Variants in SFI1 observed in about 807,000 individuals in gnomAD.
SFI1 encodes the protein SFI1 centrin binding protein, also known as protein SFI1 homolog.
Under a neutral mutation model 207.5 loss-of-function variants are expected in SFI1, and 195 were observed. That is an observed-to-expected ratio of 0.94 (90% CI 0.84 to 1.06). The LOEUF (loss-of-function observed/expected upper bound fraction) is 1.06. SFI1 is among the 50% of genes least tolerant of loss of function. The pLI, the probability that SFI1 is intolerant of heterozygous loss-of-function variation, is 0.00. For synonymous variants in SFI1, 630 were observed against 598.9 expected (o/e 1.05, Z -0.76); for missense variants, 1,634 against 1,588.0 (o/e 1.03, Z -0.49).
At chr22:31,598,140 G>A (rs1175380350) in intron 15 of SFI1, among the ~76,000 whole-genome samples, 2 of 151,594 alleles carry the variant, frequency 1.3e-5, no homozygotes, top group African/African-American at 2.4e-5. Flanking sequence ...ACCACACCCG[G>A]CTAATTTTTT....
chr22:31,498,146 T>C (rs2053061222), intron 1 of SFI1, among the ~76,000 whole-genome samples: 1 of 152,050 alleles, frequency 6.6e-6, no homozygotes, highest in African/African-American at 2.4e-5. Flanking sequence ...ATACAAAATA[T>C]TAGCCGGATG....
chr22:31,546,586 C>T (rs902848306), intron 4 of SFI1, among the ~76,000 whole-genome samples: 11 of 151,138 alleles, frequency 7.3e-5, no homozygotes, highest in African/African-American at 2.7e-4. Context: ...TCCCAAAGTA[C>T]TGGGATTACA....
At chr22:31,521,780 T>C (rs962293374) in intron 2 of SFI1, among the ~76,000 whole-genome samples, 1 of 152,098 alleles carries the variant, frequency 6.6e-6, no homozygotes, top group Non-Finnish European at 1.5e-5. Context: ...TTTTCTTTTT[T>C]TTTGAGACAG....
At chr22:31,612,000 C>T in intron 24 of SFI1, 160 bp downstream of exon 24, 1 of 1,425,604 alleles carries the variant, frequency 7.0e-7, no homozygotes, top group Non-Finnish European at 9.2e-7. Context: ...CATTTCCAGG[C>T]ACATCAGCTT....
At chr22:31,556,297 A>G (rs1359828764) in intron 6 of SFI1, among the ~76,000 whole-genome samples, 2 of 149,012 alleles carry the variant, frequency 1.3e-5, no homozygotes, top group Non-Finnish European at 3.0e-5. Flanking sequence ...ATCTCAGCTC[A>G]CTGCAACCTC....
chr22:31,569,426 T>A (rs549760543), intron 8 of SFI1, among the ~76,000 whole-genome samples: 73 of 152,102 alleles, frequency 4.8e-4, no homozygotes, highest in Non-Finnish European at 9.7e-4. Context: ...AATCTCTCAG[T>A]TTATAGGAAA....
At chr22:31,585,675 A>G (rs1420954759) in intron 14 of SFI1, among the ~76,000 whole-genome samples, 1 of 152,218 alleles carries the variant, frequency 6.6e-6, no homozygotes, top group Non-Finnish European at 1.5e-5. Context: ...TAAAGTCAAT[A>G]AAATTCCTGC....
At chr22:31,585,389 C>T (rs1160784991) in intron 14 of SFI1, among the ~76,000 whole-genome samples, 1 of 152,212 alleles carries the variant, frequency 6.6e-6, no homozygotes, top group African/African-American at 2.4e-5. Flanking sequence ...CAGCCATTCA[C>T]ATCTTTACTC....
At position 31,604,769 on chromosome 22, in the gene SFI1, C is replaced by T; in HGVS notation, c.1978-100C>T. 2.7e-6 allele frequency: 3 copies of T among 1,101,902 alleles called. No individual in the cohort carries two copies. The Admixed American group carries it at 7.6e-5, about 28-fold the overall frequency. The allele number at this position is 1,101,902 out of a possible 1,614,324, so 68.3% of individuals were successfully genotyped here. The stretch of plus-strand genomic sequence containing the variant: ...CCTCTTCCTACCCTTTTTGAGTTCT[C>T]TGGGCATGGCAGCCTTGTGGTAGAT... On this transcript the variant is annotated intron_variant, in intron 19 of 32. Transcript: ENST00000400288.
At chr22:31,606,292 G>A in intron 20 of SFI1, 36 bp from the exon 21 acceptor site, 2 of 1,580,796 alleles carry the variant, frequency 1.3e-6, no homozygotes, top group Non-Finnish European at 1.7e-6. Flanking sequence ...CTCTATCCTG[G>A]TGTCATCTGC....
Position 31,611,866 on chromosome 22 carries a change from T to C in SFI1, c.2490+26T>C, listed in dbSNP as rs1409920441. ...GTGGGAACCCAGGAGATGTCCCCTC[T>C]GCACTTCCTTCTCCATCCTCTGGCC... On this transcript the variant is annotated intron_variant, in intron 24 of 32. Transcript: ENST00000400288. The C allele has an allele frequency of 2.5e-6, 4 of 1,612,750 alleles. No homozygotes were observed. In the African/African-American group the frequency reaches 4.0e-5, roughly 16 times the overall value.
chr22:31,521,101 G>A (rs141071428), intron 2 of SFI1: 1 of 153,052 alleles, frequency 6.5e-6, no homozygotes, highest in African/African-American at 2.4e-5. Flanking sequence ...AATTAGCCAG[G>A]TGTCATGGGG....
intron 7 of SFI1, among the ~76,000 whole-genome samples, chr22:31,557,760 C>T (rs1215685074): frequency 6.6e-6 from 1 of 152,166 alleles, no homozygotes; most frequent in Non-Finnish European, 1.5e-5. Context: ...CTAGCACATA[C>T]AGGTTGTAAT....
intron 19 of SFI1, 96 bp downstream of exon 19, chr22:31,604,500 A>G (rs2068642460): frequency 1.1e-5 from 12 of 1,133,456 alleles, no homozygotes; most frequent in Non-Finnish European, 1.5e-5. Context: ...TCCGTCCCAG[A>G]ACAGAGTCAC....
intron 8 of SFI1, among the ~76,000 whole-genome samples, chr22:31,568,155 C>A (rs61017920): frequency 0.12 from 16,628 of 137,654 alleles, 1,058 homozygotes; most frequent in Middle Eastern, 0.19. Flanking sequence ...CTCTCTCTCT[C>A]TATATATATA....
chr22:31,496,735 T>A (rs958414205), intron 1 of SFI1, 98 bp downstream of exon 1: 1 of 152,078 alleles, frequency 6.6e-6, no homozygotes, highest in African/African-American at 2.4e-5. Context: ...CCGAGCCCGG[T>A]GAAATCTGTC....
At chr22:31,575,075 A>C (rs2063332217) in intron 9 of SFI1, among the ~76,000 whole-genome samples, 156 bp from the exon 10 acceptor site, 2 of 125,186 alleles carry the variant, frequency 1.6e-5, no homozygotes, top group African/African-American at 5.9e-5. Context: ...AAAAAAAAAA[A>C]AACTTAGTGC....
chr22:31,593,076 C>G (rs1485810190), intron 15 of SFI1, among the ~76,000 whole-genome samples: 1 of 131,006 alleles, frequency 7.6e-6, no homozygotes, highest in African/African-American at 2.9e-5. Flanking sequence ...GCTGGCCGGG[C>G]GGGGGGGCTG....
intron 8 of SFI1, among the ~76,000 whole-genome samples, chr22:31,564,341 A>T (rs2062033394): frequency 6.6e-6 from 1 of 151,728 alleles, no homozygotes; most frequent in South Asian, 2.1e-4. Context: ...AAAAAAAAAA[A>T]AAATTAGCAG....
Sources: allele counts gnomAD v4.1 joint callset (sites outside exome capture counted in the v4.1 genomes callset), GRCh38; gene constraint gnomAD v4.1.1; transcripts MANE v1.5; gene names NCBI Gene and HGNC (gene_info 2026-07-23, HGNC 2026-07-21).